PKHD1: variants seen among roughly 807,000 people sequenced by gnomAD.
The protein encoded by PKHD1 is fibrocystin.
PKHD1 carries 291 observed loss-of-function variants against 412.0 expected under a neutral mutation model. The observed-to-expected ratio is 0.71, with a 90% CI of 0.64 to 0.78. The LOEUF (loss-of-function observed/expected upper bound fraction) is 0.78, where lower values mean the gene tolerates loss of function less well. Among genes scored for constraint, PKHD1 ranks in the 30% least tolerant of loss-of-function variants. The pLI, the probability that PKHD1 is intolerant of heterozygous loss-of-function variation, is 0.00. For synonymous variants in PKHD1, 1,777 were observed against 1,821.5 expected (o/e 0.98, Z 0.62); for missense variants, 4,825 against 4,950.7 (o/e 0.97, Z 0.76).
intron 20 of PKHD1, 40 bp from the exon 21 acceptor site, chr6:52,053,291 C>T (rs1432468244): frequency 1.2e-6 from 2 of 1,603,072 alleles, no homozygotes; most frequent in East Asian, 2.2e-5. Context: ...TCTCAGGGAG[C>T]ACTTGCAGTC....
intron 60 of PKHD1, 60 bp downstream of exon 60, chr6:51,744,325 C>A (rs1398471795): frequency 6.8e-7 from 1 of 1,461,176 alleles, no homozygotes; most frequent in Admixed American, 1.7e-5. Context: ...CACAGCAAAA[C>A]CAGCTCCTTC....
chr6:51,630,901 A>C (rs1223216002), intron 65 of PKHD1, among the ~76,000 whole-genome samples: 1 of 152,168 alleles, frequency 6.6e-6, no homozygotes, highest in African/African-American at 2.4e-5. Context: ...CCCAGTAAAG[A>C]AAATATGGGG....
chr6:51,807,503 G>A (rs1425851764), intron 52 of PKHD1, among the ~76,000 whole-genome samples: 10 of 146,004 alleles, frequency 6.8e-5, no homozygotes, highest in Admixed American at 6.8e-4. Flanking sequence ...GTGTGTGTGT[G>A]TGTGTGTGTG....
intron 37 of PKHD1, among the ~76,000 whole-genome samples, chr6:51,926,922 C>A (rs1259164916): frequency 6.6e-6 from 1 of 152,174 alleles, no homozygotes; most frequent in Admixed American, 6.5e-5. Context: ...AAACACTCAT[C>A]AGTCACTGGC....
At chr6:51,804,848 A>T (rs898953738) in intron 52 of PKHD1, among the ~76,000 whole-genome samples, 1 of 152,174 alleles carries the variant, frequency 6.6e-6, no homozygotes, top group African/African-American at 2.4e-5. Flanking sequence ...CACACCAGTC[A>T]GAATGGCTAT....
At chr6:52,062,843 G>A (rs1340657296) in intron 13 of PKHD1, among the ~76,000 whole-genome samples, 183 bp from the exon 14 acceptor site, 1 of 152,056 alleles carries the variant, frequency 6.6e-6, no homozygotes, top group East Asian at 1.9e-4. Context: ...CAAATGTTCC[G>A]GAAAGTAATA....
chr6:51,991,825 A>G (rs967260788), intron 35 of PKHD1, among the ~76,000 whole-genome samples: 2 of 152,242 alleles, frequency 1.3e-5, no homozygotes, highest in African/African-American at 2.4e-5. Flanking sequence ...AGCATTGCCA[A>G]TGTTAATCTT....
At chr6:51,631,696 C>A (rs1245089816) in intron 65 of PKHD1, among the ~76,000 whole-genome samples, 1 of 152,008 alleles carries the variant, frequency 6.6e-6, no homozygotes, top group Non-Finnish European at 1.5e-5. Context: ...AATGCCTGAT[C>A]TGCTCACCTA....
intron 60 of PKHD1, among the ~76,000 whole-genome samples, chr6:51,707,146 C>T (rs9474056): frequency 0.23 from 34,261 of 152,006 alleles, 4,125 homozygotes; most frequent in African/African-American, 0.29. Flanking sequence ...AGTTTGTTGA[C>T]ATTAAGTATG....
At chr6:51,944,411 G>C (rs1429771080) in intron 36 of PKHD1, among the ~76,000 whole-genome samples, 2 of 152,146 alleles carry the variant, frequency 1.3e-5, no homozygotes, top group African/African-American at 4.8e-5. Flanking sequence ...TGGTCTCTTC[G>C]CATGGATGCG....
chr6:51,954,007 T>C (rs973075435), intron 36 of PKHD1, among the ~76,000 whole-genome samples: 2 of 152,120 alleles, frequency 1.3e-5, no homozygotes, highest in Non-Finnish European at 1.5e-5. Context: ...AGGTCTTTAT[T>C]ACCCAGCTAA....
chr6:51,936,958 C>T (rs1415358776), intron 36 of PKHD1, among the ~76,000 whole-genome samples: 1 of 152,180 alleles, frequency 6.6e-6, no homozygotes, highest in Non-Finnish European at 1.5e-5. Flanking sequence ...AATTCCCTTC[C>T]TTTTCTGGAT....
At chr6:51,660,838 G>A (rs1772726342) in intron 60 of PKHD1, among the ~76,000 whole-genome samples, 1 of 152,044 alleles carries the variant, frequency 6.6e-6, no homozygotes, top group Non-Finnish European at 1.5e-5. Flanking sequence ...GCCTTTCATG[G>A]AGGCTCCATT....
intron 37 of PKHD1, among the ~76,000 whole-genome samples, chr6:51,929,563 A>C (rs942479962): frequency 1.3e-5 from 2 of 152,172 alleles, no homozygotes; most frequent in African/African-American, 4.8e-5. Flanking sequence ...ACACACTCCC[A>C]CACATGTGCC....
At chr6:51,869,916 A>G (rs998022283) in intron 47 of PKHD1, among the ~76,000 whole-genome samples, 1 of 152,118 alleles carries the variant, frequency 6.6e-6, no homozygotes, top group Non-Finnish European at 1.5e-5. Flanking sequence ...ACGATGATCA[A>G]ATCAACTAGA....
chr6:51,899,330 G>C (rs369482223), intron 43 of PKHD1, among the ~76,000 whole-genome samples: 1 of 151,598 alleles, frequency 6.6e-6, no homozygotes, highest in Non-Finnish European at 1.5e-5. Context: ...GATCAAGTGG[G>C]CTTCATCCCT....
chr6:51,933,467 T>A (rs1028334747), intron 37 of PKHD1, among the ~76,000 whole-genome samples: 1 of 152,250 alleles, frequency 6.6e-6, no homozygotes, highest in Non-Finnish European at 1.5e-5. Context: ...GATACCAGGC[T>A]ACTGCATGTT....
chr6:52,083,269 A>G lies in PKHD1; in HGVS notation c.53-14T>C. On this transcript the variant is annotated splice_polypyrimidine_tract_variant and intron_variant, in intron 2 of 66. Transcript: ENST00000371117. ...TCAGGTGACGTACTGTAAGTAAGTG[A>G]AAAAAAACATTGGTTTTGAAGGTCA... 6.4e-7 allele frequency: 1 copy of G among 1,554,182 alleles called. No homozygotes were observed. The highest frequency in any genetic ancestry group is 8.9e-7 in the Non-Finnish European group (1 of 1,125,556).
At chr6:52,040,519 G>A (rs994520458) in intron 27 of PKHD1, among the ~76,000 whole-genome samples, 1 of 152,044 alleles carries the variant, frequency 6.6e-6, no homozygotes, top group African/African-American at 2.4e-5. Flanking sequence ...AATAAAAGCT[G>A]AGTGAGCTGA....
Sources: allele counts gnomAD v4.1 joint callset (sites outside exome capture counted in the v4.1 genomes callset), GRCh38; gene constraint gnomAD v4.1.1; transcripts MANE v1.5; gene names NCBI Gene and HGNC (gene_info 2026-07-23, HGNC 2026-07-21).